CSMD1: variants seen among roughly 807,000 people sequenced by gnomAD.
CSMD1 encodes CUB and sushi domain-containing protein 1.
CSMD1 carries 213 observed loss-of-function variants against 417.5 expected under a neutral mutation model. That is an observed-to-expected ratio of 0.51 (90% CI 0.46 to 0.57). The LOEUF is 0.57. Ranked by LOEUF, CSMD1 falls within the 20% of genes least tolerant of loss-of-function variation. CSMD1 has a pLI of 0.00. For missense variants in CSMD1, 6,923 were observed against 4,529.7 expected, an observed-to-expected ratio of 1.53 and a Z score of -15.17; for synonymous variants, 2,862 against 1,736.8, an observed-to-expected ratio of 1.65 and a Z score of -16.11.
chr8:3,369,671 G>T (rs549310545), intron 18 of CSMD1, among the ~76,000 whole-genome samples: 1 of 152,200 alleles, frequency 6.6e-6, no homozygotes, highest in Non-Finnish European at 1.5e-5. Flanking sequence ...TTGCACTCCT[G>T]AGAGCCGCTG....
At chr8:4,080,003 G>GTT (rs5889015) in intron 3 of CSMD1, among the ~76,000 whole-genome samples, 12 of 144,524 alleles carry the variant, frequency 8.3e-5, no homozygotes, top group South Asian at 2.2e-4. Context: ...GAATATTGGT[G>GTT]TTTTTTTTTT....
intron 5 of CSMD1, among the ~76,000 whole-genome samples, chr8:3,870,703 T>A (rs558615974): frequency 6.6e-6 from 1 of 152,192 alleles, no homozygotes; most frequent in Non-Finnish European, 1.5e-5. Flanking sequence ...ATCTGATTTA[T>A]ATTCATTTAT....
intron 7 of CSMD1, among the ~76,000 whole-genome samples, chr8:3,618,005 T>C (rs1041787181): frequency 6.6e-6 from 1 of 152,118 alleles, no homozygotes; most frequent in African/African-American, 2.4e-5. Context: ...AAGTTTAGCT[T>C]AGTTTGTTTG....
chr8:3,881,096 AAAT>A (rs761014027), intron 5 of CSMD1, among the ~76,000 whole-genome samples: 9 of 152,184 alleles, frequency 5.9e-5, no homozygotes, highest in East Asian at 5.8e-4. Flanking sequence ...ACGAAATCTG[AAAT>A]ATTATTGACT....
chr8:3,457,326 A>C (rs954730478), intron 12 of CSMD1, among the ~76,000 whole-genome samples: 1 of 151,820 alleles, frequency 6.6e-6, no homozygotes, highest in Non-Finnish European at 1.5e-5. Context: ...TCACATCACA[A>C]CCTTTTTGCC....
intron 1 of CSMD1, among the ~76,000 whole-genome samples, chr8:4,925,365 G>A (rs565403174): frequency 1.3e-5 from 2 of 151,476 alleles, no homozygotes; most frequent in Non-Finnish European, 2.9e-5. Flanking sequence ...GTTGAAACCT[G>A]ACATTTCTTT....
intron 3 of CSMD1, among the ~76,000 whole-genome samples, chr8:4,038,661 T>C (rs1474437155): frequency 1.3e-5 from 2 of 152,200 alleles, no homozygotes; most frequent in African/African-American, 2.4e-5. Flanking sequence ...TCTCTTTATT[T>C]ATTTCCTGAG....
intron 1 of CSMD1, among the ~76,000 whole-genome samples, chr8:4,777,193 G>C (rs766505146): frequency 2.0e-5 from 3 of 152,192 alleles, no homozygotes; most frequent in Admixed American, 6.6e-5. Flanking sequence ...CCTTGTGGTT[G>C]TTATTTTACC....
At chr8:4,500,522 T>A (rs1802208180) in intron 2 of CSMD1, among the ~76,000 whole-genome samples, 2 of 152,062 alleles carry the variant, frequency 1.3e-5, no homozygotes, top group African/African-American at 4.8e-5. Flanking sequence ...GCATTTAAGA[T>A]GAAGGAATCT....
At chr8:4,500,482 C>T (rs1802205705) in intron 2 of CSMD1, among the ~76,000 whole-genome samples, 3 of 152,198 alleles carry the variant, frequency 2.0e-5, no homozygotes, top group South Asian at 2.1e-4. Flanking sequence ...CAAGAGAATA[C>T]GGAGTATGAC....
intron 5 of CSMD1, among the ~76,000 whole-genome samples, chr8:3,802,814 G>T (rs1005885260): frequency 6.6e-6 from 1 of 152,076 alleles, no homozygotes; most frequent in African/African-American, 2.4e-5. Flanking sequence ...TGTTCGATTC[G>T]TTTCTCCATC....
At chr8:4,633,338 C>G (rs144125255) in intron 2 of CSMD1, among the ~76,000 whole-genome samples, 1 of 151,868 alleles carries the variant, frequency 6.6e-6, no homozygotes, top group Non-Finnish European at 1.5e-5. Flanking sequence ...GCTCCGCCTC[C>G]CCAGTTCACA....
At chr8:3,649,482 G>A (rs182191250) in intron 7 of CSMD1, among the ~76,000 whole-genome samples, 1 of 152,238 alleles carries the variant, frequency 6.6e-6, no homozygotes, top group East Asian at 1.9e-4. Flanking sequence ...GGCTGGGGAG[G>A]CCTCAGGAAA....
At chr8:3,273,320 T>C (rs1258074213) in intron 26 of CSMD1, among the ~76,000 whole-genome samples, 1 of 152,130 alleles carries the variant, frequency 6.6e-6, no homozygotes, top group Non-Finnish European at 1.5e-5. Context: ...GATGTGCTGC[T>C]GGATTCGGTT....
At chr8:4,695,628 C>A (rs778440659) in intron 1 of CSMD1, among the ~76,000 whole-genome samples, 1 of 152,082 alleles carries the variant, frequency 6.6e-6, no homozygotes, top group African/African-American at 2.4e-5. Context: ...TCTCAACATA[C>A]GCCACCAAAG....
intron 3 of CSMD1, among the ~76,000 whole-genome samples, chr8:4,043,418 C>G (rs777984059): frequency 2.0e-5 from 3 of 152,136 alleles, no homozygotes; most frequent in Non-Finnish European, 2.9e-5. Flanking sequence ...ATGACATGAA[C>G]CTCACACCTG....
intron 10 of CSMD1, among the ~76,000 whole-genome samples, chr8:3,549,508 G>A (rs991851749): frequency 6.6e-5 from 10 of 152,172 alleles, no homozygotes; most frequent in South Asian, 6.2e-4. Context: ...AGCTTGGGTC[G>A]TCAGGGCTCT....
chr8:4,803,448 G>C (rs968789153), intron 1 of CSMD1, among the ~76,000 whole-genome samples: 3 of 152,148 alleles, frequency 2.0e-5, no homozygotes, highest in Non-Finnish European at 4.4e-5. Context: ...AAGGGGTTTT[G>C]CATGATAGGA....
chr8:3,110,207 T>C lies in CSMD1; in HGVS notation c.6559A>G (p.Asn2187Asp). The C allele has an allele frequency of 6.2e-7, 1 of 1,613,070 alleles. No homozygotes were observed. The highest frequency in any genetic ancestry group is 8.5e-7 in the Non-Finnish European group (1 of 1,179,534). Reference protein sequence around the residue: ...TVPPGHGVYINFTLLQTEAVN... With the variant: ...TVPPGHGVYIDFTLLQTEAVN... ...GCTTCCGTCTGTAACAGGGTGAAGTTGATGTAAACTCCGTGCCCTGGAGGC... is the reference window on the plus strand; with the variant it reads ...GCTTCCGTCTGTAACAGGGTGAAGTCGATGTAAACTCCGTGCCCTGGAGGC... The change falls in exon 43 of 70, where the codon AAC becomes GAC. Residue 2187 changes from asparagine (N) to aspartate (D), a missense_variant. Asn to Asp is a conservative substitution (Grantham distance 23). Transcript: ENST00000635120.
Sources: gnomAD v4.1 joint callset for allele counts (sites outside exome capture counted in the v4.1 genomes callset) on GRCh38, gnomAD v4.1.1 for gene constraint, MANE v1.5 for transcripts, NCBI Gene and HGNC (gene_info 2026-07-23, HGNC 2026-07-21) for gene names.